SHISA9: variants seen among roughly 807,000 people sequenced by gnomAD.
SHISA9 encodes shisa family member 9.
A neutral mutation model predicts 38.0 loss-of-function variants in SHISA9; 13 were observed. That is an observed-to-expected ratio of 0.34 (90% CI 0.22 to 0.54). SHISA9 has a LOEUF of 0.54. Ranked by LOEUF, SHISA9 falls within the 20% of genes least tolerant of loss-of-function variation. SHISA9 has a pLI of 0.91. For missense variants in SHISA9, 538 were observed against 575.8 expected, an observed-to-expected ratio of 0.93 and a Z score of 0.67; for synonymous variants, 275 against 242.0, an observed-to-expected ratio of 1.14 and a Z score of -1.27.
intron 2 of SHISA9, among the ~76,000 whole-genome samples, chr16:12,968,444 A>T (rs1449978654): frequency 2.0e-5 from 3 of 152,190 alleles, no homozygotes; most frequent in Non-Finnish European, 1.5e-5. Flanking sequence ...AATGAACTAT[A>T]CCAAAAGACA....
chr16:13,324,976 G>T, the SHISA9 span, among the ~76,000 whole-genome samples: 2 of 152,206 alleles, frequency 1.3e-5, no homozygotes, highest in Non-Finnish European at 2.9e-5. Flanking sequence ...CTGAAGAGTT[G>T]AATTCAGCAT....
the SHISA9 span, among the ~76,000 whole-genome samples, chr16:13,370,185 T>A: frequency 6.6e-6 from 1 of 152,178 alleles, no homozygotes; most frequent in Admixed American, 6.5e-5. Flanking sequence ...TTGTCTGTTT[T>A]TACGCCTCCT....
intron 2 of SHISA9, among the ~76,000 whole-genome samples, chr16:13,019,798 TTC>T (rs2072805612): frequency 7.2e-6 from 1 of 139,474 alleles, no homozygotes; most frequent in African/African-American, 2.7e-5. Flanking sequence ...CTTTCTTTCT[TTC>T]TTTCTTTCTT....
the SHISA9 span, among the ~76,000 whole-genome samples, chr16:13,507,168 T>C: frequency 1.3e-5 from 2 of 151,986 alleles, no homozygotes; most frequent in African/African-American, 4.8e-5. Context: ...ATAGGGTAGA[T>C]CCAACCATAA....
intron 2 of SHISA9, among the ~76,000 whole-genome samples, chr16:13,115,579 G>A (rs1357302449): frequency 1.3e-5 from 2 of 152,320 alleles, no homozygotes; most frequent in South Asian, 2.1e-4. Flanking sequence ...TCCAGCTTGG[G>A]CGTTAGGGCA....
the SHISA9 span, among the ~76,000 whole-genome samples, chr16:13,467,882 T>G: frequency 6.6e-6 from 1 of 152,324 alleles, no homozygotes; most frequent in Non-Finnish European, 1.5e-5. Flanking sequence ...GTGGAAACAC[T>G]TCAGGAAGGA....
At chr16:13,513,308 G>A in the SHISA9 span, among the ~76,000 whole-genome samples, 6 of 151,894 alleles carry the variant, frequency 4.0e-5, no homozygotes, top group Admixed American at 3.9e-4. Flanking sequence ...CCACAAGTCA[G>A]AATGGCAATT....
the SHISA9 span, among the ~76,000 whole-genome samples, chr16:13,508,827 C>G: frequency 5.1e-3 from 776 of 152,252 alleles, 6 homozygotes; most frequent in African/African-American, 0.017. Context: ...TACTCCATAT[C>G]TTGAAAAACC....
intron 2 of SHISA9, among the ~76,000 whole-genome samples, chr16:13,118,761 C>G (rs367675693): frequency 6.6e-5 from 9 of 136,654 alleles, no homozygotes; most frequent in African/African-American, 2.5e-4. Flanking sequence ...CAGAGTTTCA[C>G]TCTTTTTGCC....
At chr16:13,021,400 T>C (rs1013271575) in intron 2 of SHISA9, among the ~76,000 whole-genome samples, 1 of 152,160 alleles carries the variant, frequency 6.6e-6, no homozygotes, top group African/African-American at 2.4e-5. Flanking sequence ...GAAGTTCTCC[T>C]GAGAGTGCAT....
At chr16:13,438,118 G>A in the SHISA9 span, among the ~76,000 whole-genome samples, 4 of 151,962 alleles carry the variant, frequency 2.6e-5, no homozygotes, top group East Asian at 7.7e-4. Context: ...CACCCACCTC[G>A]GCCTCCCAAA....
the SHISA9 span, among the ~76,000 whole-genome samples, chr16:13,298,115 C>A: frequency 3.0e-4 from 45 of 152,294 alleles, no homozygotes; most frequent in South Asian, 1.0e-3. Flanking sequence ...CAGGGAAATA[C>A]ATTCTTGTGA....
intron 2 of SHISA9, among the ~76,000 whole-genome samples, chr16:13,050,488 C>T (rs543294383): frequency 2.6e-5 from 4 of 152,252 alleles, no homozygotes; most frequent in Non-Finnish European, 4.4e-5. Context: ...GACACCACCA[C>T]ACCTGGCTAA....
At chr16:12,903,509 C>CT (rs887202564) in intron 1 of SHISA9, among the ~76,000 whole-genome samples, 47 of 111,660 alleles carry the variant, frequency 4.2e-4, no homozygotes, top group African/African-American at 1.3e-3. Context: ...TTGCCTTTTG[C>CT]TTTTTTTAAA....
At chr16:13,159,345 C>T (rs1182372006) in intron 2 of SHISA9, among the ~76,000 whole-genome samples, 1 of 152,164 alleles carries the variant, frequency 6.6e-6, no homozygotes, top group Non-Finnish European at 1.5e-5. Flanking sequence ...CAGAAGGCTT[C>T]CTTTTCCTAG....
At chr16:13,178,562 A>C (rs147518622) in intron 2 of SHISA9, among the ~76,000 whole-genome samples, 100 of 152,168 alleles carry the variant, frequency 6.6e-4, no homozygotes, top group African/African-American at 2.3e-3. Flanking sequence ...CCATTTGGCT[A>C]TTTGGCAGAG....
the SHISA9 span, among the ~76,000 whole-genome samples, chr16:13,411,656 G>A: frequency 2.0e-5 from 3 of 152,196 alleles, no homozygotes; most frequent in Admixed American, 1.3e-4. Context: ...TGAATTCCAA[G>A]CAGCAGAATA....
At chr16:13,435,227 CT>C in the SHISA9 span, among the ~76,000 whole-genome samples, 29,393 of 139,332 alleles carry the variant, frequency 0.21, 3,027 homozygotes, top group African/African-American at 0.29. Flanking sequence ...TTCTTAGAAT[CT>C]TTTTTTTTTT....
At chr16:13,188,794 GA>G (rs2050854676) in intron 2 of SHISA9, among the ~76,000 whole-genome samples, 1 of 148,718 alleles carries the variant, frequency 6.7e-6, no homozygotes. Context: ...GAGTAAGGAA[GA>G]AAAGGAAAAG....
Sources: gnomAD v4.1 joint callset for allele counts (sites outside exome capture counted in the v4.1 genomes callset) on GRCh38, gnomAD v4.1.1 for gene constraint, MANE v1.5 for transcripts, NCBI Gene and HGNC (gene_info 2026-07-23, HGNC 2026-07-21) for gene names.